Variants in CAMK2G observed in about 807,000 individuals in gnomAD.
The protein encoded by CAMK2G is calcium/calmodulin dependent protein kinase II gamma.
In CAMK2G, 23 loss-of-function variants were observed where a neutral mutation model predicts 88.7. The ratio of observed to expected loss-of-function variants is 0.26; its 90% CI spans 0.19 to 0.37. The LOEUF (loss-of-function observed/expected upper bound fraction) is 0.37. Among genes scored for constraint, CAMK2G ranks in the 10% least tolerant of loss-of-function variants. The pLI, the probability that CAMK2G is intolerant of heterozygous loss-of-function variation, is 1.00. For synonymous variants in CAMK2G, 263 were observed against 294.8 expected (o/e 0.89, Z 1.11); for missense variants, 476 against 780.8 (o/e 0.61, Z 4.65).
intron 14 of CAMK2G, among the ~76,000 whole-genome samples, chr10:73,830,182 A>G (rs1324459541): frequency 6.6e-6 from 1 of 152,114 alleles, no homozygotes; most frequent in Non-Finnish European, 1.5e-5. Context: ...AACATTTTTC[A>G]ATTTCCTTCT....
At position 73,812,762 on chromosome 10, in the gene CAMK2G, A is replaced by G. The variant is rs931213613; in HGVS notation, c.*1756T>C. 6.5e-6 allele frequency: 1 copy of G among 152,704 alleles called. No homozygotes were observed. Among genetic ancestry groups the G allele is most frequent in the African/African-American group, 2.4e-5 (1 of 41,474 alleles). The allele number at this position is 152,704 out of a possible 1,614,324, so 9.5% of individuals were successfully genotyped here. ...GGGGCTGGAGCAGCCATATGAAGCTATGGGTCTCAATGAATTCTAAGACCA... is the reference window on the plus strand; with the variant it reads ...GGGGCTGGAGCAGCCATATGAAGCTGTGGGTCTCAATGAATTCTAAGACCA... On this transcript the variant is annotated 3_prime_UTR_variant, in exon 23 of 23. Coordinates refer to ENST00000423381, the MANE Select transcript of CAMK2G (RefSeq NM_001367534.1).
intron 17 of CAMK2G, among the ~76,000 whole-genome samples, chr10:73,823,073 G>A (rs547158392): frequency 3.3e-5 from 5 of 152,246 alleles, no homozygotes; most frequent in Non-Finnish European, 7.4e-5. Flanking sequence ...TGTTGGCCAG[G>A]CTGGTTTTGA....
At chr10:73,845,593 A>G (rs1260609138) in intron 10 of CAMK2G, among the ~76,000 whole-genome samples, 2 of 149,908 alleles carry the variant, frequency 1.3e-5, no homozygotes, top group East Asian at 3.9e-4. Flanking sequence ...AAAAAAAAAA[A>G]GAGAAAACCA....
intron 19 of CAMK2G, among the ~76,000 whole-genome samples, 181 bp downstream of exon 19, chr10:73,819,349 CAG>C (rs1036492292): frequency 2.0e-5 from 3 of 152,126 alleles, no homozygotes; most frequent in African/African-American, 7.2e-5. Flanking sequence ...GCCCCAGACT[CAG>C]GGGCCCCTGC....
chr10:73,842,599 G>T lies in CAMK2G; in HGVS notation c.820-58C>A. On this transcript the variant is annotated intron_variant, in intron 10 of 22. Coordinates refer to ENST00000423381, the MANE Select transcript of CAMK2G (RefSeq NM_001367534.1). The surrounding 1 kb of genome is among the most constrained non-coding windows in gnomAD (Gnocchi z 4.6). The stretch of plus-strand genomic sequence containing the variant: ...GCCCAGATCCTCTGCGCCTCCCACA[G>T]TCCTGGCACCGATACCATGCCCAGG... 8.1e-7 allele frequency: 1 copy of T among 1,238,650 alleles called. No individual in the cohort carries two copies. Among genetic ancestry groups the T allele is most frequent in the Non-Finnish European group, 1.2e-6 (1 of 840,486 alleles). The allele number at this position is 1,238,650 out of a possible 1,614,324, so 76.7% of individuals were successfully genotyped here.
intron 1 of CAMK2G, chr10:73,873,493 G>A: frequency 9.8e-7 from 1 of 1,023,204 alleles, no homozygotes; most frequent in South Asian, 4.0e-5. Context: ...GAAGGTCGGG[G>A]AAGGAAAGAT....
chr10:73,827,964 C>T, intron 15 of CAMK2G, 125 bp downstream of exon 15: 1 of 839,392 alleles, frequency 1.2e-6, no homozygotes, highest in Non-Finnish European at 2.1e-6. Context: ...GCCACACCTG[C>T]CCACACAGCA....
chr10:73,821,881 C>T lies in CAMK2G; in HGVS notation c.1201-151G>A, dbSNP rs575597930. ...TCCACCCTGGCTGTCTGACTCTTCC[C>T]AAATCCCCTCCCTAGTCTTCCCCCA... On this transcript the variant is annotated intron_variant, in intron 17 of 22. Coordinates refer to ENST00000423381, the MANE Select transcript of CAMK2G (RefSeq NM_001367534.1). 2.0e-5 allele frequency: 13 copies of T among 662,900 alleles called. No individual in the cohort carries two copies. In the African/African-American group the frequency reaches 2.1e-4, roughly 11 times the overall value. The allele number at this position is 662,900 out of a possible 1,614,324, so 41.1% of individuals were successfully genotyped here.
At chr10:73,846,707 T>C (rs1323195428) in intron 10 of CAMK2G, 2 of 152,416 alleles carry the variant, frequency 1.3e-5, no homozygotes, top group African/African-American at 2.4e-5. Context: ...CTTGAAAGAA[T>C]TGTGTATAAA....
intron 14 of CAMK2G, among the ~76,000 whole-genome samples, chr10:73,835,823 T>G (rs1222292879): frequency 6.6e-6 from 1 of 152,128 alleles, no homozygotes; most frequent in Admixed American, 6.5e-5. Flanking sequence ...AGAAATGTCA[T>G]GTTGTTTTCT....
chr10:73,839,464 G>GCC lies in CAMK2G; in HGVS notation c.1009+73_1009+74dup, dbSNP rs954543720. On this transcript the variant is annotated intron_variant, in intron 13 of 22. Coordinates refer to ENST00000423381, the MANE Select transcript of CAMK2G (RefSeq NM_001367534.1). The surrounding 1 kb of genome is among the most constrained non-coding windows in gnomAD (Gnocchi z 4.2). ...TGGGACTCGCCTCCCTGGTGAGTGG[G>GCC]CCCGGCATGCTGGCCCTCCTGGTGG... 1 of 832,378 alleles carries GCC rather than the reference G, an allele frequency of 1.2e-6. No homozygotes were observed. Among genetic ancestry groups the GCC allele is most frequent in the African/African-American group, 1.8e-5 (1 of 56,800 alleles). The allele number at this position is 832,378 out of a possible 1,614,324, so 51.6% of individuals were successfully genotyped here. A position where few individuals can be genotyped will look rare whatever the true frequency, so the allele number is the denominator to read the frequency against.
intron 22 of CAMK2G, 66 bp downstream of exon 22, chr10:73,814,932 CCTTCT>C: frequency 1.9e-6 from 2 of 1,068,836 alleles, no homozygotes; most frequent in Non-Finnish European, 2.7e-6. Context: ...CACCTCCCAG[CCTTCT>C]CTTCTTCCTC....
intron 14 of CAMK2G, among the ~76,000 whole-genome samples, chr10:73,833,435 A>G (rs1279492454): frequency 6.6e-6 from 1 of 152,146 alleles, no homozygotes; most frequent in African/African-American, 2.4e-5. Context: ...AGAAAGGACC[A>G]TTCTGGTTTT....
rs1214572926 is a variant in CAMK2G, at chr10:73,849,247, A to G, written c.414+14T>C. 6.2e-7 allele frequency: 1 copy of G among 1,609,700 alleles called. No homozygotes were observed. Among genetic ancestry groups the G allele is most frequent in the Admixed American group, 1.7e-5 (1 of 59,978 alleles). ...CTTCATGAGCAGAGGCACGGAGGGGAGCCTGGGTAGTACCTTCAGGTCCCT... is the reference window on the plus strand; with the variant it reads ...CTTCATGAGCAGAGGCACGGAGGGGGGCCTGGGTAGTACCTTCAGGTCCCT... On this transcript the variant is annotated intron_variant, in intron 6 of 22. Transcript: ENST00000423381.
Position 73,821,697 on chromosome 10 carries a change from C to T in CAMK2G, c.1234G>A (p.Asp412Asn). ...CAGCACCTACCTTTGAGGTCCTCAT[C>T]TTCTGTGGTGGTGTTGCAGCTCTCT... is the stretch of plus-strand genomic sequence containing the variant. Reference protein sequence around the residue: ...STESCNTTTEDEDLKAAPLRT... With the variant: ...STESCNTTTENEDLKAAPLRT... The change falls in exon 18 of 23, where the codon GAT becomes AAT. Residue 412 changes from aspartate (D) to asparagine (N), a missense_variant. Physicochemically the swap from Asp to Asn is conservative, Grantham distance 23. This residue lies in a region of CAMK2G where 278 missense variants were observed against 366.5 expected (regional missense o/e 0.76). Coordinates refer to ENST00000423381, the MANE Select transcript of CAMK2G (RefSeq NM_001367534.1). 3 of 1,611,700 alleles carry T rather than the reference C, an allele frequency of 1.9e-6. No homozygotes were observed. Among genetic ancestry groups the T allele is most frequent in the Non-Finnish European group, 2.5e-6 (3 of 1,179,036 alleles).
intron 14 of CAMK2G, among the ~76,000 whole-genome samples, chr10:73,835,093 AATT>A (rs2093034876): frequency 6.6e-6 from 1 of 152,046 alleles, no homozygotes; most frequent in South Asian, 2.1e-4. Flanking sequence ...CCTCAAGCTC[AATT>A]CCTGGCCATC....
intron 19 of CAMK2G, 121 bp downstream of exon 19, chr10:73,819,411 T>C (rs943288901): frequency 1.4e-6 from 1 of 733,932 alleles, no homozygotes; most frequent in Non-Finnish European, 2.4e-6. Flanking sequence ...GCAGAGGCCA[T>C]GCTCCCAGAG....
intron 19 of CAMK2G, among the ~76,000 whole-genome samples, chr10:73,819,169 G>A (rs528840448): frequency 2.8e-4 from 42 of 152,006 alleles, no homozygotes; most frequent in Admixed American, 4.6e-4. Context: ...ACAGTTCCTC[G>A]CTGTCACGAT....
chr10:73,861,305 T>G (rs2095361132), intron 2 of CAMK2G, among the ~76,000 whole-genome samples: 1 of 152,214 alleles, frequency 6.6e-6, no homozygotes, highest in African/African-American at 2.4e-5. Flanking sequence ...CAACTAAAAC[T>G]CTGGTGCTCT....
Sources: allele counts gnomAD v4.1 joint callset (sites outside exome capture counted in the v4.1 genomes callset), GRCh38; gene constraint gnomAD v4.1.1; regional missense constraint gnomAD v4.1.1; non-coding constraint Gnocchi (gnomAD v3.1); transcripts MANE v1.5; gene names NCBI Gene and HGNC (gene_info 2026-07-23, HGNC 2026-07-21).